The following BNC2 variants were observed in gnomAD, a reference collection of about 807,000 sequenced individuals.
BNC2 encodes the protein zinc finger protein basonuclin-2.
A neutral mutation model predicts 76.3 loss-of-function variants in BNC2; 20 were observed. The ratio of observed to expected loss-of-function variants is 0.26; its 90% CI spans 0.18 to 0.38. BNC2 has a LOEUF of 0.38. Ranked by LOEUF, BNC2 falls within the 10% of genes least tolerant of loss-of-function variation. The pLI, the probability that BNC2 is intolerant of heterozygous loss-of-function variation, is 1.00. For synonymous variants in BNC2, 582 were observed against 514.8 expected (o/e 1.13, Z -1.77); for missense variants, 1,382 against 1,399.8 (o/e 0.99, Z 0.20).
chr9:16,576,293 T>A (rs1819483643), intron 4 of BNC2, among the ~76,000 whole-genome samples: 1 of 152,214 alleles, frequency 6.6e-6, no homozygotes, highest in Admixed American at 6.5e-5. Context: ...CTTGACACAT[T>A]TACAAATTAT....
intron 3 of BNC2, among the ~76,000 whole-genome samples, chr9:16,718,950 C>T (rs763304160): frequency 6.6e-6 from 1 of 152,166 alleles, no homozygotes; most frequent in Non-Finnish European, 1.5e-5. Flanking sequence ...TTAGTACTTT[C>T]AAGACAGTAA....
chr9:16,865,342 T>C (rs1819519197), intron 1 of BNC2, among the ~76,000 whole-genome samples: 1 of 152,184 alleles, frequency 6.6e-6, no homozygotes, highest in African/African-American at 2.4e-5. Flanking sequence ...ATACTCATCT[T>C]ATTAGAGTTT....
chr9:16,633,280 G>A (rs1272005764), intron 3 of BNC2, among the ~76,000 whole-genome samples: 1 of 152,134 alleles, frequency 6.6e-6, no homozygotes, highest in Non-Finnish European at 1.5e-5. Context: ...GGAGCCCAAG[G>A]TTCTAGTTCT....
At chr9:16,657,305 C>G (rs1266134192) in intron 3 of BNC2, among the ~76,000 whole-genome samples, 1 of 152,076 alleles carries the variant, frequency 6.6e-6, no homozygotes, top group African/African-American at 2.4e-5. Context: ...AAAGATTGAA[C>G]TGGAACAATG....
chr9:16,634,046 A>G (rs1821244113), intron 3 of BNC2, among the ~76,000 whole-genome samples: 1 of 152,180 alleles, frequency 6.6e-6, no homozygotes, highest in Non-Finnish European at 1.5e-5. Flanking sequence ...GATGCTTACC[A>G]GCTAATACAA....
At chr9:16,649,785 C>T (rs1470666205) in intron 3 of BNC2, among the ~76,000 whole-genome samples, 4 of 152,148 alleles carry the variant, frequency 2.6e-5, no homozygotes, top group African/African-American at 9.7e-5. Flanking sequence ...GAGGCCAATG[C>T]TATAGAATCA....
intron 2 of BNC2, among the ~76,000 whole-genome samples, chr9:16,730,672 C>T (rs1223632142): frequency 1.4e-4 from 21 of 152,250 alleles, no homozygotes; most frequent in Non-Finnish European, 4.4e-5. Context: ...AACTGAGCTC[C>T]TTCAGATATC....
At chr9:16,714,024 T>C (rs553053373) in intron 3 of BNC2, among the ~76,000 whole-genome samples, 1 of 152,314 alleles carries the variant, frequency 6.6e-6, no homozygotes, top group East Asian at 1.9e-4. Flanking sequence ...ATGCTGGCCA[T>C]GAGCCCAGAT....
chr9:16,489,260 T>C (rs191135628), intron 5 of BNC2, among the ~76,000 whole-genome samples: 60 of 152,326 alleles, frequency 3.9e-4, no homozygotes, highest in African/African-American at 1.4e-3. Flanking sequence ...ACTGCACATC[T>C]CAATTTGGTA....
At chr9:16,694,421 A>G (rs1823274814) in intron 3 of BNC2, among the ~76,000 whole-genome samples, 1 of 152,190 alleles carries the variant, frequency 6.6e-6, no homozygotes, top group South Asian at 2.1e-4. Flanking sequence ...GGCATTTACT[A>G]CTAGAGTAAA....
chr9:16,421,500 C>CTTTTA, intron 6 of BNC2, among the ~76,000 whole-genome samples: 1 of 152,320 alleles, frequency 6.6e-6, no homozygotes, highest in East Asian at 1.9e-4. Flanking sequence ...ATTTTCAGAT[C>CTTTTA]AGCTGTATAA....
chr9:16,541,461 G>GAAAAGCAGAAAAGC, intron 5 of BNC2, among the ~76,000 whole-genome samples: 1 of 152,256 alleles, frequency 6.6e-6, no homozygotes, highest in South Asian at 2.1e-4. Context: ...TCAATACGTG[G>GAAAAGCAGAAAAGC]AAAAGCAGAA....
intron 3 of BNC2, among the ~76,000 whole-genome samples, chr9:16,635,951 G>A (rs1821311526): frequency 6.6e-6 from 1 of 152,186 alleles, no homozygotes; most frequent in African/African-American, 2.4e-5. Flanking sequence ...AAGGGAATGT[G>A]TAGAACAGGG....
At chr9:16,786,230 C>G (rs1444391238) in intron 1 of BNC2, among the ~76,000 whole-genome samples, 1 of 152,146 alleles carries the variant, frequency 6.6e-6, no homozygotes, top group Non-Finnish European at 1.5e-5. Context: ...TTTGCTTTCT[C>G]TTAACTAAAC....
chr9:16,796,055 G>GT (rs1817639126), intron 1 of BNC2, among the ~76,000 whole-genome samples: 1 of 152,118 alleles, frequency 6.6e-6, no homozygotes, highest in South Asian at 2.1e-4. Flanking sequence ...ACAATGGAGT[G>GT]AAGCCCCAAA....
intron 1 of BNC2, among the ~76,000 whole-genome samples, chr9:16,827,082 C>T (rs377310109): frequency 6.6e-6 from 1 of 152,176 alleles, no homozygotes; most frequent in East Asian, 1.9e-4. Context: ...ATAGCTACCA[C>T]AGCACTGACT....
intron 3 of BNC2, among the ~76,000 whole-genome samples, chr9:16,674,767 A>G (rs933718278): frequency 2.6e-5 from 4 of 152,190 alleles, no homozygotes; most frequent in South Asian, 2.1e-4. Context: ...GATGGTTTAT[A>G]TAACATTGAT....
At chr9:16,820,296 G>T (rs1245906664) in intron 1 of BNC2, among the ~76,000 whole-genome samples, 3 of 151,630 alleles carry the variant, frequency 2.0e-5, no homozygotes, top group African/African-American at 7.3e-5. Flanking sequence ...CGTGGTGGCA[G>T]GTGCCTGTAA....
chr9:16,605,508 T>C (rs1283638517), intron 3 of BNC2, among the ~76,000 whole-genome samples: 1 of 152,216 alleles, frequency 6.6e-6, no homozygotes, highest in Non-Finnish European at 1.5e-5. Flanking sequence ...ACCACTATGC[T>C]TTACCACCTC....
Sources: gnomAD v4.1 joint callset for allele counts (sites outside exome capture counted in the v4.1 genomes callset) on GRCh38, gnomAD v4.1.1 for gene constraint, MANE v1.5 for transcripts, NCBI Gene and HGNC (gene_info 2026-07-23, HGNC 2026-07-21) for gene names.